SYNE1: variants seen among roughly 807,000 people sequenced by gnomAD.
SYNE1 encodes nesprin-1.
In SYNE1, 616 loss-of-function variants were observed where a neutral mutation model predicts 1,111.0. That is an observed-to-expected ratio of 0.55 (90% CI 0.52 to 0.59). The LOEUF is 0.59. Among genes scored for constraint, SYNE1 ranks in the 20% least tolerant of loss-of-function variants. SYNE1 has a pLI of 0.00. For missense variants in SYNE1, 10,006 were observed against 10,417.0 expected (o/e 0.96, Z 1.72); for synonymous variants, 3,855 against 3,825.8 (o/e 1.01, Z -0.28).
intron 3 of SYNE1, among the ~76,000 whole-genome samples, chr6:152,545,620 C>T (rs182675249): frequency 1.4e-3 from 216 of 152,172 alleles, no homozygotes; most frequent in African/African-American, 4.9e-3. Context: ...GAAAGAAATG[C>T]TGTTTACATA....
Position 152,353,453 on chromosome 6 carries a change from A to T in SYNE1, c.11083-20T>A. The T allele has an allele frequency of 6.2e-7, 1 of 1,614,164 alleles. No individual in the cohort carries two copies. Among genetic ancestry groups the T allele is most frequent in the Non-Finnish European group, 8.5e-7 (1 of 1,180,022 alleles). On this transcript the variant is annotated intron_variant, in intron 68 of 145. Transcript: ENST00000367255. ...TTGTTCCTATGAAAGAAAAGAGAAA[A>T]TTGAATGGTGAAGTAAAGGCCTGTG...
chr6:152,457,425 A>G (rs1344141433), intron 22 of SYNE1, among the ~76,000 whole-genome samples: 1 of 152,194 alleles, frequency 6.6e-6, no homozygotes, highest in African/African-American at 2.4e-5. Flanking sequence ...ATGTCAATTA[A>G]TGCAGTGGCA....
In SYNE1 at chr6:152,310,860, T is replaced by G. The variant is rs2076253945; in HGVS notation, c.16724A>C (p.Glu5575Ala). 2 of 1,613,814 alleles carry G rather than the reference T, an allele frequency of 1.2e-6. No homozygotes were observed. The highest frequency in any genetic ancestry group is 2.7e-5 in the African/African-American group (2 of 74,898). Reference protein sequence around the residue: ...QYILHQTLLEESKEIDSELEA... With the variant: ...QYILHQTLLEASKEIDSELEA... ...CAGCTCACTGTCAATTTCTTTGGAT[T>G]CTTCTAGCAGGGTCTAGAGTGAATT... The change falls in exon 88 of 146, where the codon GAA (glutamate) becomes GCA (alanine). Residue 5575 changes from glutamate (E) to alanine (A), a missense_variant. By Grantham distance (107) the Glu-to-Ala change is moderately radical (BLOSUM62 -1). This residue lies in a region of SYNE1 where 4,955 missense variants were observed against 5,017.2 expected (regional missense o/e 0.99). Coordinates refer to ENST00000367255, the MANE Select transcript of SYNE1 (RefSeq NM_182961.4).
Position 152,483,201 on chromosome 6 carries a change from C to T in SYNE1, c.1234G>A (p.Gly412Ser). The change falls in exon 14 of 146, where the codon GGC becomes AGC. Residue 412 changes from glycine to serine, a missense_variant. This residue lies in a region of SYNE1 where 1,971 missense variants were observed against 2,084.1 expected (regional missense o/e 0.95). Transcript: ENST00000367255. ...CTGTACAGCCAGGCACCTATGGTGCCCAGAGGTGCAGGAAGAGATTTATCA... is the reference window on the plus strand; with the variant it reads ...CTGTACAGCCAGGCACCTATGGTGCTCAGAGGTGCAGGAAGAGATTTATCA... ...QLDKSLPAPL[G>S]TIGAWLYRAE... is the part of the protein sequence containing the mutation. 6.2e-7 allele frequency: 1 copy of T among 1,614,000 alleles called. No homozygotes were observed. The highest frequency in any genetic ancestry group is 1.3e-5 in the African/African-American group (1 of 74,974).
intron 3 of SYNE1, among the ~76,000 whole-genome samples, chr6:152,559,717 A>G (rs2099388548): frequency 6.6e-6 from 1 of 152,146 alleles, no homozygotes; most frequent in Non-Finnish European, 1.5e-5. Context: ...TTATACCTCA[A>G]GGAGCTAGCA....
chr6:152,126,957 G>A (rs1009998466), intron 145 of SYNE1: 2 of 152,224 alleles, frequency 1.3e-5, no homozygotes, highest in African/African-American at 4.8e-5. Context: ...CTGGCAGTAT[G>A]TAACAGATTT....
rs529928762 is a variant in SYNE1 at position 152,589,362 on chromosome 6, T to G, written c.67+38903A>C. ...GAAAACCATTTTCTACCATGAAATT[T>G]AATATAAATATTCTTTATTTTAAAG... On this transcript the variant is annotated intron_variant, in intron 3 of 145. Coordinates refer to ENST00000367255, the MANE Select transcript of SYNE1 (RefSeq NM_182961.4). Among the ~76,000 whole-genome samples the G allele has an allele frequency of 2.6e-5, 4 of 152,336 alleles. No homozygotes were observed. In the South Asian group the frequency reaches 8.3e-4, roughly 32 times the overall value.
At chr6:152,299,487 A>G (rs998037284) in intron 93 of SYNE1, among the ~76,000 whole-genome samples, 23 of 152,110 alleles carry the variant, frequency 1.5e-4, no homozygotes, top group African/African-American at 5.6e-4. Context: ...TTCTCTCTAG[A>G]CTGTCAGGGC....
chr6:152,237,488 T>C (rs6927162), intron 108 of SYNE1, among the ~76,000 whole-genome samples: 1 of 151,338 alleles, frequency 6.6e-6, no homozygotes, highest in East Asian at 2.0e-4. Context: ...TTAAAAAAAA[T>C]TTTTTTGTAG....
intron 87 of SYNE1, among the ~76,000 whole-genome samples, chr6:152,313,544 C>T (rs1029462089): frequency 4.0e-5 from 6 of 150,558 alleles, no homozygotes; most frequent in Non-Finnish European, 7.4e-5. Flanking sequence ...CTCACTGCAA[C>T]GGCTGCCTCC....
chr6:152,168,521 G>A (rs1406459485), intron 130 of SYNE1, among the ~76,000 whole-genome samples: 4 of 152,112 alleles, frequency 2.6e-5, no homozygotes, highest in South Asian at 2.1e-4. Context: ...AAACAACATC[G>A]GCTGCACACA....
Position 152,323,672 on chromosome 6 carries a change from T to C in SYNE1, c.15723A>G (p.Lys5241=), listed in dbSNP as rs747748113. The C allele has an allele frequency of 1.9e-6, 3 of 1,614,256 alleles. No individual in the cohort carries two copies. The highest frequency in any genetic ancestry group is 1.1e-5 in the South Asian group (1 of 91,086). Residue 5241 remains lysine, a synonymous_variant, in exon 82 of 146, where the codon AAA becomes AAG. Coordinates refer to ENST00000367255, the MANE Select transcript of SYNE1 (RefSeq NM_182961.4). ...QDKLPGSSAE[K]ASKAELLTLL... ...GAGTTAAGAGCTCTGCTTTCGATGC[T>C]TTCTCTGCTGAACTTCCAGGTAACT...
At chr6:152,386,614 T>G (rs1011597698) in intron 54 of SYNE1, among the ~76,000 whole-genome samples, 1 of 152,216 alleles carries the variant, frequency 6.6e-6, no homozygotes, top group East Asian at 1.9e-4. Context: ...TTTGATATTA[T>G]ATAAAGGAGT....
rs998757167 is a variant in SYNE1 at position 152,246,532 on chromosome 6, C to T, written c.19573-1876G>A. On this transcript the variant is annotated intron_variant, in intron 105 of 145. Transcript: ENST00000367255. ...GAAATTGAGGACGTTTCTCAAAAAGCGGAGCAAAAAGACAAAGAAAGGTCT... is the reference window on the plus strand; with the variant it reads ...GAAATTGAGGACGTTTCTCAAAAAGTGGAGCAAAAAGACAAAGAAAGGTCT... 3.3e-5 allele frequency among the ~76,000 whole-genome samples: 5 copies of T among 151,958 alleles called. 1 individual carries two copies. In the South Asian group the frequency reaches 6.2e-4, roughly 19 times the overall value.
intron 122 of SYNE1, 143 bp downstream of exon 122, chr6:152,214,763 T>C: frequency 8.9e-7 from 1 of 1,125,930 alleles, no homozygotes; most frequent in Non-Finnish European, 1.3e-6. Flanking sequence ...GCACCTTGAC[T>C]GCGGACTTCC....
intron 8 of SYNE1, among the ~76,000 whole-genome samples, chr6:152,509,404 G>A (rs1002627851): frequency 2.0e-5 from 3 of 151,596 alleles, no homozygotes; most frequent in Non-Finnish European, 4.4e-5. Context: ...TTACAGGCAC[G>A]CGCCACCACG....
At chr6:152,594,199 T>C (rs1036879596) in intron 3 of SYNE1, among the ~76,000 whole-genome samples, 2 of 152,172 alleles carry the variant, frequency 1.3e-5, no homozygotes, top group African/African-American at 2.4e-5. Flanking sequence ...CTGTAAGGAA[T>C]AGTCATAAGA....
chr6:152,253,853 T>TTTTTTTTTTG (rs2090138722), intron 104 of SYNE1, among the ~76,000 whole-genome samples: 1 of 118,886 alleles, frequency 8.4e-6, no homozygotes, highest in Non-Finnish European at 1.6e-5. Flanking sequence ...TTTTTTTTTT[T>TTTTTTTTTTG]TTTTTTTGCA....
chr6:152,542,998 AAT>A (rs1245516437), intron 3 of SYNE1, among the ~76,000 whole-genome samples: 24 of 150,440 alleles, frequency 1.6e-4, no homozygotes, highest in African/African-American at 5.8e-4. Context: ...AAATTGGCAT[AAT>A]ATGTTAATGT....
Sources: allele counts gnomAD v4.1 joint callset (sites outside exome capture counted in the v4.1 genomes callset), GRCh38; gene constraint gnomAD v4.1.1; regional missense constraint gnomAD v4.1.1; transcripts MANE v1.5; gene names NCBI Gene and HGNC (gene_info 2026-07-23, HGNC 2026-07-21).